NIN: variants seen among roughly 807,000 people sequenced by gnomAD.
The protein encoded by NIN is glycogen synthase kinase 3 beta-interacting protein.
NIN carries 137 observed loss-of-function variants against 257.6 expected under a neutral mutation model. That is an observed-to-expected ratio of 0.53 (90% CI 0.46 to 0.61). The LOEUF (loss-of-function observed/expected upper bound fraction) is 0.61. NIN is among the 20% of genes least tolerant of loss of function. The pLI, the probability that NIN is intolerant of heterozygous loss-of-function variation, is 0.00. For missense variants in NIN, 2,439 were observed against 2,501.2 expected, an observed-to-expected ratio of 0.98 and a Z score of 0.53; for synonymous variants, 918 against 919.8, an observed-to-expected ratio of 1.00 and a Z score of 0.04.
At chr14:50,731,282 C>T (rs923445799) in intron 28 of NIN, among the ~76,000 whole-genome samples, 3 of 152,144 alleles carry the variant, frequency 2.0e-5, no homozygotes, top group African/African-American at 4.8e-5. Flanking sequence ...GTAATCCCAA[C>T]ACTTTGGGAG....
chr14:50,759,827 A>C (rs1049359705), intron 17 of NIN, 30 bp downstream of exon 17: 2 of 1,574,630 alleles, frequency 1.3e-6, no homozygotes, highest in Non-Finnish European at 1.7e-6. Context: ...ATGGTGCCCC[A>C]GGTAGCTTCA....
intron 3 of NIN, among the ~76,000 whole-genome samples, chr14:50,814,772 C>T (rs2044803217): frequency 6.6e-6 from 1 of 152,130 alleles, no homozygotes; most frequent in Admixed American, 6.5e-5. Context: ...ACAAACCTGA[C>T]AAAAACAAGC....
chr14:50,830,534 G>C lies in NIN; in HGVS notation c.-75-17C>G, dbSNP rs1396256430. 2 of 167,878 alleles carry C rather than the reference G, an allele frequency of 1.2e-5. No individual in the cohort carries two copies. The highest frequency in any genetic ancestry group is 1.3e-4 in the Admixed American group (2 of 15,302). The allele number at this position is 167,878 out of a possible 1,614,324, so 10.4% of individuals were successfully genotyped here. ...TCCAGCGCTCTGCAAAGCGAAGGAG[G>C]ACGCTTTGTTAGGGCTGGAGAAACG... On this transcript the variant is annotated splice_polypyrimidine_tract_variant and intron_variant, in intron 1 of 30. Transcript: ENST00000530997.
chr14:50,755,670 TTTTTTTTTAA>T (rs1566808565), intron 18 of NIN, among the ~76,000 whole-genome samples: 1 of 80,082 alleles, frequency 1.2e-5, no homozygotes. Flanking sequence ...TTTTTTTTTT[TTTTTTTTTAA>T]AAGAGACAGG....
At chr14:50,805,532 A>C (rs1018208013) in intron 4 of NIN, among the ~76,000 whole-genome samples, 3 of 152,172 alleles carry the variant, frequency 2.0e-5, no homozygotes, top group African/African-American at 7.2e-5. Context: ...GGCAGTGTCC[A>C]TACACACAAC....
At chr14:50,725,017 C>G (rs1475445708) in intron 30 of NIN, among the ~76,000 whole-genome samples, 1 of 152,164 alleles carries the variant, frequency 6.6e-6, no homozygotes, top group Non-Finnish European at 1.5e-5. Flanking sequence ...TGTTGTATCC[C>G]TGTGCCCACG....
intron 28 of NIN, among the ~76,000 whole-genome samples, chr14:50,730,496 G>A (rs779511223): frequency 5.3e-5 from 8 of 151,964 alleles, no homozygotes; most frequent in Admixed American, 4.6e-4. Flanking sequence ...CTCAAGAAGC[G>A]GCACCTCCAG....
At position 50,757,831 on chromosome 14, in the gene NIN, G is replaced by A. The variant is rs998733256; in HGVS notation, c.3199C>T (p.Leu1067Phe). 3.1e-6 allele frequency: 5 copies of A among 1,613,956 alleles called. No homozygotes were observed. The East Asian group carries it at 1.1e-4, about 36-fold the overall frequency. The part of the protein sequence containing the change: ...EQLLEENGDV[L>F]LSLQRAHEQA... ...TCATGAGCTCTCTGCAGGCTTAAGA[G>A]GACGTCCCCATTTTCTTCCAACAGC... is the stretch of plus-strand genomic sequence containing the variant. The change falls in exon 18 of 31, where the codon CTC (leucine) becomes TTC (phenylalanine). Residue 1067 changes from leucine (L) to phenylalanine (F), a missense_variant. Physicochemically the swap from Leu to Phe is conservative, Grantham distance 22. This residue lies in a region of NIN where 2,043 missense variants were observed against 2,050.2 expected (regional missense o/e 1.00). Coordinates refer to ENST00000530997, the MANE Select transcript of NIN (RefSeq NM_020921.4).
chr14:50,749,295 T>C (rs2041687911), intron 21 of NIN, among the ~76,000 whole-genome samples: 2 of 152,224 alleles, frequency 1.3e-5, no homozygotes, highest in Non-Finnish European at 2.9e-5. Flanking sequence ...CCTTATACTT[T>C]ATACAAAAAT....
At chr14:50,826,126 ATCCTAACT>A in intron 2 of NIN, among the ~76,000 whole-genome samples, 1 of 152,208 alleles carries the variant, frequency 6.6e-6, no homozygotes, top group Non-Finnish European at 1.5e-5. Flanking sequence ...TCAGGGTCAG[ATCCTAACT>A]GGTACCCACC....
rs1252207397 is a variant in NIN, at chr14:50,761,829, G to C, written c.1857C>G (p.His619Gln). 1 of 1,614,050 alleles carries C rather than the reference G, an allele frequency of 6.2e-7. No individual in the cohort carries two copies. ...LVIEQMKEQHHRDICCLRLEL... is the reference protein window; with the variant it reads ...LVIEQMKEQHQRDICCLRLEL... ...CCAGTCTGAGGCAACATATGTCCCT[G>C]TGATGTTGTTCTTTCATCTGTTCAA... The change falls in exon 16 of 31, where the codon CAC becomes CAG. Residue 619 changes from histidine to glutamine, a missense_variant. Physicochemically the swap from His to Gln is conservative, Grantham distance 24. Around this residue, in one of 3 missense-constraint regions of NIN, gnomAD observed 2,043 missense variants for 2,050.2 expected, o/e 1.00. Coordinates refer to ENST00000530997, the MANE Select transcript of NIN (RefSeq NM_020921.4).
chr14:50,774,722 G>A (rs2042856056), intron 7 of NIN, among the ~76,000 whole-genome samples: 1 of 152,224 alleles, frequency 6.6e-6, no homozygotes, highest in African/African-American at 2.4e-5. Flanking sequence ...GCTTGACCTT[G>A]TGACATTAGC....
intron 2 of NIN, chr14:50,823,068 C>T (rs1199987398): frequency 4.9e-5 from 20 of 408,876 alleles, no homozygotes; most frequent in Non-Finnish European, 8.7e-5. Flanking sequence ...TCAGTAAAAA[C>T]TTGGAGACGT....
At chr14:50,769,832 A>T (rs2042653145) in intron 12 of NIN, among the ~76,000 whole-genome samples, 1 of 151,616 alleles carries the variant, frequency 6.6e-6, no homozygotes, top group African/African-American at 2.4e-5. Flanking sequence ...AGTCCCAGCT[A>T]CTTGGCAGGC....
At chr14:50,759,241 C>T (rs2042167586) in intron 17 of NIN, among the ~76,000 whole-genome samples, 1 of 152,178 alleles carries the variant, frequency 6.6e-6, no homozygotes, top group Admixed American at 6.5e-5. Context: ...CAGAAAGCAA[C>T]AGGATTGAAC....
chr14:50,733,464 A>T (rs908491699), intron 28 of NIN, among the ~76,000 whole-genome samples: 2 of 152,144 alleles, frequency 1.3e-5, no homozygotes, highest in African/African-American at 4.8e-5. Flanking sequence ...TCAGTGTTCA[A>T]ATAGAAAAAT....
intron 21 of NIN, among the ~76,000 whole-genome samples, chr14:50,749,752 C>A (rs563714879): frequency 9.2e-5 from 14 of 152,208 alleles, no homozygotes; most frequent in Middle Eastern, 3.4e-3. Context: ...TGCAGTGGTG[C>A]AATCTTGGCT....
At chr14:50,743,626 C>A in intron 23 of NIN, 97 bp from the exon 24 acceptor site, 1 of 706,790 alleles carries the variant, frequency 1.4e-6, no homozygotes, top group Non-Finnish European at 2.5e-6. Context: ...GAACAAGTAC[C>A]ATCTATTTAT....
intron 2 of NIN, among the ~76,000 whole-genome samples, chr14:50,824,889 A>G (rs2045392314): frequency 6.6e-6 from 1 of 152,228 alleles, no homozygotes; most frequent in Non-Finnish European, 1.5e-5. Context: ...TAGAAAGCCA[A>G]CACCAACTGC....
Sources: gnomAD v4.1 joint callset for allele counts (sites outside exome capture counted in the v4.1 genomes callset) on GRCh38, gnomAD v4.1.1 for gene constraint, gnomAD v4.1.1 regional missense constraint, MANE v1.5 for transcripts, NCBI Gene and HGNC (gene_info 2026-07-23, HGNC 2026-07-21) for gene names.